The following TNR variants were observed in gnomAD, a reference collection of about 807,000 sequenced individuals.
The protein encoded by TNR is tenascin-R.
Under a neutral mutation model 150.4 loss-of-function variants are expected in TNR, and 45 were observed. The ratio of observed to expected loss-of-function variants is 0.30; its 90% CI spans 0.24 to 0.38. TNR has a LOEUF of 0.38. TNR is among the 10% of genes least tolerant of loss of function. TNR has a pLI of 1.00. For synonymous variants in TNR, 687 were observed against 678.4 expected, an observed-to-expected ratio of 1.01 and a Z score of -0.20; for missense variants, 1,544 against 1,759.1, an observed-to-expected ratio of 0.88 and a Z score of 2.19.
intron 2 of TNR, among the ~76,000 whole-genome samples, chr1:175,479,877 T>A (rs1657705322): frequency 6.6e-6 from 1 of 152,164 alleles, no homozygotes; most frequent in Non-Finnish European, 1.5e-5. Flanking sequence ...TTTTGGAAAA[T>A]GCATAACCAT....
chr1:175,483,271 C>T (rs1019717918), intron 2 of TNR, among the ~76,000 whole-genome samples: 2 of 152,064 alleles, frequency 1.3e-5, no homozygotes, highest in African/African-American at 2.4e-5. Context: ...GAAAGGGATG[C>T]CTGACCTGCC....
chr1:175,366,001 T>A lies in TNR; in HGVS notation c.2191A>T (p.Thr731Ser). The A allele has an allele frequency of 6.2e-7, 1 of 1,614,106 alleles. No individual in the cohort carries two copies. The highest frequency in any genetic ancestry group is 1.1e-5 in the South Asian group (1 of 91,070). The change falls in exon 11 of 23, where the codon ACC (threonine) becomes TCC (serine). Residue 731 changes from threonine (T) to serine (S), a missense_variant. By Grantham distance (58) the Thr-to-Ser change is moderately conservative. Around this residue, in one of 2 missense-constraint regions of TNR, gnomAD observed 1,254 missense variants for 1,329.4 expected, o/e 0.94. Coordinates refer to ENST00000367674, the MANE Select transcript of TNR (RefSeq NM_003285.3). ...TATGAGGTCCTGTCCTTGGGTACGG[T>A]GACTTCTGAGGCAATCCCAGAGGAT... ...TPSSGIASEV[T>S]VPKDRTSYTL...
chr1:175,445,022 G>T (rs973279916), intron 2 of TNR, among the ~76,000 whole-genome samples: 25 of 152,278 alleles, frequency 1.6e-4, no homozygotes, highest in African/African-American at 5.8e-4. Flanking sequence ...TGTAATCCCA[G>T]TACTTTGGGA....
intron 1 of TNR, among the ~76,000 whole-genome samples, chr1:175,644,356 C>A (rs749215683): frequency 3.3e-5 from 5 of 152,180 alleles, no homozygotes; most frequent in Non-Finnish European, 7.3e-5. Flanking sequence ...GTTTCTCTAT[C>A]CTTGATGTGA....
chr1:175,354,455 C>G lies in TNR; in HGVS notation c.3318G>C (p.Thr1106=). The G allele has an allele frequency of 6.2e-7, 1 of 1,614,060 alleles. No homozygotes were observed. Among genetic ancestry groups the G allele is most frequent in the Non-Finnish European group, 8.5e-7 (1 of 1,179,988 alleles). ...LEGLLENTDY[T]VLLQAAQDTT... ...TGTCCTGTGCTGCCTGCAGGAGCAC[C>G]GTGTAGTCTGTGTTCTCCAACAGGC... Residue 1106 remains threonine (T), a synonymous_variant, in exon 18 of 23, where the codon ACG becomes ACC. Coordinates refer to ENST00000367674, the MANE Select transcript of TNR (RefSeq NM_003285.3).
intron 1 of TNR, among the ~76,000 whole-genome samples, chr1:175,655,318 A>G (rs1264058885): frequency 1.3e-5 from 2 of 152,140 alleles, no homozygotes; most frequent in African/African-American, 4.8e-5. Context: ...GGACTCCATA[A>G]TTTTTCCTAT....
chr1:175,325,139 G>A (rs7551235), intron 21 of TNR, among the ~76,000 whole-genome samples: 22,312 of 152,170 alleles, frequency 0.15, 1,763 homozygotes, highest in African/African-American at 0.16. Flanking sequence ...AGGGAGACAT[G>A]GCCTGTGATC....
chr1:175,398,786 T>G (rs1653560298), intron 4 of TNR, among the ~76,000 whole-genome samples: 1 of 152,238 alleles, frequency 6.6e-6, no homozygotes, highest in African/African-American at 2.4e-5. Context: ...AATACCACTT[T>G]ACATTTATAT....
intron 1 of TNR, among the ~76,000 whole-genome samples, chr1:175,723,954 A>T (rs1667410795): frequency 6.6e-6 from 1 of 152,174 alleles, no homozygotes; most frequent in Non-Finnish European, 1.5e-5. Flanking sequence ...ATGTTTATAC[A>T]GAATATAATA....
chr1:175,545,809 C>T (rs948661373), intron 1 of TNR, among the ~76,000 whole-genome samples: 2 of 152,196 alleles, frequency 1.3e-5, no homozygotes, highest in African/African-American at 4.8e-5. Flanking sequence ...CTTCAGAGAG[C>T]GGGTCCTTCA....
At chr1:175,380,464 G>A (rs891527877) in intron 8 of TNR, among the ~76,000 whole-genome samples, 1 of 152,064 alleles carries the variant, frequency 6.6e-6, no homozygotes. Flanking sequence ...TCAGCTACTT[G>A]GGAGGCTGAG....
At chr1:175,461,952 T>C (rs1656837946) in intron 2 of TNR, among the ~76,000 whole-genome samples, 1 of 152,206 alleles carries the variant, frequency 6.6e-6, no homozygotes, top group African/African-American at 2.4e-5. Context: ...AGCACGACCT[T>C]GGCGAACTAC....
chr1:175,602,203 C>CAAAA (rs57341654), intron 1 of TNR, among the ~76,000 whole-genome samples: 30 of 30,558 alleles, frequency 9.8e-4, no homozygotes, highest in South Asian at 1.6e-3. Flanking sequence ...GGACCAAAGG[C>CAAAA]AAAAAAAAAA....
rs1193150653 is a variant in TNR, at chr1:175,317,326, G to A, written c.*6031C>T. On this transcript the variant is annotated 3_prime_UTR_variant, in exon 23 of 23. Transcript: ENST00000367674. ...AAATTGCCTAAACTTTCTTGCCCTT[G>A]GTTTCCTTGAGAGGAAATAAAATGA... 2.6e-5 allele frequency: 4 copies of A among 152,136 alleles called. No homozygotes were observed. The East Asian group carries it at 7.7e-4, about 29-fold the overall frequency. 9.4% of individuals were successfully genotyped at this position (152,136 alleles called of 1,614,324 possible).
At chr1:175,352,974 G>A (rs1187360732) in intron 18 of TNR, among the ~76,000 whole-genome samples, 1 of 152,086 alleles carries the variant, frequency 6.6e-6, no homozygotes, top group Non-Finnish European at 1.5e-5. Context: ...AGGCATGGAC[G>A]GGAATCCAGT....
At chr1:175,422,488 T>C (rs976000850) in intron 2 of TNR, among the ~76,000 whole-genome samples, 4 of 152,240 alleles carry the variant, frequency 2.6e-5, no homozygotes, top group African/African-American at 9.6e-5. Flanking sequence ...GGAATTTTTC[T>C]CTCTGCAGTG....
At position 175,359,640 on chromosome 1, in the gene TNR, G is replaced by A; in HGVS notation, c.2946C>T (p.Asn982=). 1.2e-6 allele frequency: 2 copies of A among 1,613,820 alleles called. No homozygotes were observed. Among genetic ancestry groups the A allele is most frequent in the Non-Finnish European group, 1.7e-6 (2 of 1,179,874 alleles). The change falls in exon 15 of 23, where the codon AAC becomes AAT. Residue 982 remains asparagine (N), a synonymous_variant. Coordinates refer to ENST00000367674, the MANE Select transcript of TNR (RefSeq NM_003285.3). ...CAAAGTGTGTAAGAACAATGACGTA[G>A]TTCTCCACCTCACCCACTGGTGCCT... ...QWKAPVGEVE[N]YVIVLTHFAV... is the part of the protein sequence containing the mutation.
intron 1 of TNR, chr1:175,656,739 G>A (rs1665191607): frequency 6.6e-6 from 1 of 152,482 alleles, no homozygotes; most frequent in African/African-American, 2.4e-5. Context: ...AGAACTCTGT[G>A]GGTGTGGGGG....
At chr1:175,454,101 C>T (rs1285109973) in intron 2 of TNR, among the ~76,000 whole-genome samples, 1 of 152,124 alleles carries the variant, frequency 6.6e-6, no homozygotes, top group Non-Finnish European at 1.5e-5. Context: ...GGTTGTCTGT[C>T]TGTTGGGGTT....
Sources: gnomAD v4.1 joint callset for allele counts (sites outside exome capture counted in the v4.1 genomes callset) on GRCh38, gnomAD v4.1.1 for gene constraint, gnomAD v4.1.1 regional missense constraint, MANE v1.5 for transcripts, NCBI Gene and HGNC (gene_info 2026-07-23, HGNC 2026-07-21) for gene names.